Variants in RYR3 observed in about 807,000 individuals in gnomAD.
The protein encoded by RYR3 is ryanodine receptor 3.
RYR3 carries 207 observed loss-of-function variants against 584.3 expected under a neutral mutation model. The observed-to-expected ratio is 0.35, with a 90% confidence interval of 0.32 to 0.40. The LOEUF is 0.40. Ranked by LOEUF, RYR3 falls within the 10% of genes least tolerant of loss-of-function variation. The pLI, the probability that RYR3 is intolerant of heterozygous loss-of-function variation, is 1.00. For missense variants in RYR3, 5,616 were observed against 6,089.2 expected (o/e 0.92, Z 2.59); for synonymous variants, 2,416 against 2,248.5 (o/e 1.07, Z -2.11).
intron 1 of RYR3, among the ~76,000 whole-genome samples, chr15:33,357,444 G>A (rs1974137888): frequency 6.6e-6 from 1 of 152,140 alleles, no homozygotes; most frequent in Non-Finnish European, 1.5e-5. Flanking sequence ...ACCCTCACCT[G>A]TCAATACCCT....
rs56127912 is a variant in RYR3, at chr15:33,355,182, CAA to C, written c.51+44103_51+44104del. On this transcript the variant is annotated intron_variant, in intron 1 of 103. Transcript: ENST00000634891. The stretch of plus-strand genomic sequence containing the variant: ...CTGAGGGACAAGAGTGAAACTCCCT[CAA>C]AAAAAAAAAAAAAAAATCATGTATT... Among the ~76,000 whole-genome samples, 361 of 126,070 alleles carry C rather than the reference CAA, an allele frequency of 2.9e-3. 4 individuals carry two copies. The highest frequency in any genetic ancestry group is 9.5e-3 in the African/African-American group (324 of 34,188). The allele number at this position is 126,070 out of a possible 152,430, so 82.7% of individuals were successfully genotyped here. A position where few individuals can be genotyped will look rare whatever the true frequency, so the allele number is the denominator to read the frequency against.
At chr15:33,700,752 C>T (rs966332005) in intron 41 of RYR3, among the ~76,000 whole-genome samples, 1 of 152,020 alleles carries the variant, frequency 6.6e-6, no homozygotes, top group African/African-American at 2.4e-5. Flanking sequence ...TAGTGTGAAC[C>T]GATTTTGTAT....
In RYR3 at chr15:33,646,377, C is replaced by T; in HGVS notation, c.3792C>T (p.Asp1264=). The T allele has an allele frequency of 3.7e-6, 6 of 1,611,234 alleles. No individual in the cohort carries two copies. Among genetic ancestry groups the T allele is most frequent in the Non-Finnish European group, 5.1e-6 (6 of 1,177,952 alleles). Residue 1264 remains aspartate (D), a synonymous_variant, in exon 29 of 104, where the codon GAC becomes GAT. Transcript: ENST00000634891. ...TCATGAGGATTGATGGCACCATGGA[C>T]AGCCCTCCGTGTCTCAAGGTGACGC... is the stretch of plus-strand genomic sequence containing the variant. The part of the protein sequence containing the change: ...IEVMRIDGTM[D]SPPCLKVTHK...
At chr15:33,663,020 T>G in intron 35 of RYR3, 72 bp downstream of exon 35, 1 of 1,390,390 alleles carries the variant, frequency 7.2e-7, no homozygotes, top group Non-Finnish European at 1.0e-6. Flanking sequence ...AGGAACACAC[T>G]GAGGATTAAA....
At chr15:33,445,574 TC>T (rs1487412865) in intron 1 of RYR3, among the ~76,000 whole-genome samples, 1 of 151,654 alleles carries the variant, frequency 6.6e-6, no homozygotes, top group African/African-American at 2.4e-5. Context: ...AACCTACACT[TC>T]CGTTTTCCAG....
At chr15:33,368,232 T>C (rs1258338242) in intron 1 of RYR3, among the ~76,000 whole-genome samples, 1 of 152,078 alleles carries the variant, frequency 6.6e-6, no homozygotes, top group Admixed American at 6.6e-5. Context: ...TGAGTTTGAC[T>C]TGCCTCAACT....
intron 64 of RYR3, among the ~76,000 whole-genome samples, chr15:33,776,280 C>A (rs911637928): frequency 2.8e-4 from 42 of 152,254 alleles, no homozygotes; most frequent in African/African-American, 4.8e-4. Context: ...GAGACAACAA[C>A]ACTGAGAATG....
intron 60 of RYR3, 84 bp from the exon 61 acceptor site, chr15:33,768,574 T>C (rs2073301464): frequency 4.3e-6 from 5 of 1,158,810 alleles, no homozygotes; most frequent in Non-Finnish European, 6.5e-6. Context: ...TGTTTCACAG[T>C]GTAAGGGACA....
intron 5 of RYR3, among the ~76,000 whole-genome samples, chr15:33,536,870 A>G (rs1277001791): frequency 6.6e-6 from 1 of 152,174 alleles, no homozygotes; most frequent in African/African-American, 2.4e-5. Context: ...ACTTGTTTAT[A>G]ATATACATAT....
intron 46 of RYR3, 24 bp downstream of exon 46, chr15:33,726,530 C>T (rs897088563): frequency 1.3e-6 from 2 of 1,561,560 alleles, no homozygotes; most frequent in Non-Finnish European, 1.7e-6. Context: ...CTGCAGGCTG[C>T]AGCAGCAGTC....
chr15:33,670,614 T>A (rs2063787315), intron 38 of RYR3, 58 bp downstream of exon 38: 2 of 1,489,132 alleles, frequency 1.3e-6, no homozygotes, highest in African/African-American at 2.8e-5. Flanking sequence ...TTAATGTAAC[T>A]TTTTTTAAAC....
chr15:33,865,100 A>AAAT (rs1890039944), intron 103 of RYR3, 31 bp from the exon 104 acceptor site: 4 of 1,558,022 alleles, frequency 2.6e-6, no homozygotes, highest in African/African-American at 1.4e-5. Context: ...TGTGGTTTAA[A>AAAT]AATAAGCACC....
chr15:33,760,569 G>A (rs1299886779), intron 60 of RYR3, among the ~76,000 whole-genome samples: 1 of 152,100 alleles, frequency 6.6e-6, no homozygotes, highest in Admixed American at 6.6e-5. Flanking sequence ...CTAAATATAT[G>A]TGCACTAAAT....
At chr15:33,827,061 A>G (rs2077414754) in intron 84 of RYR3, 138 bp from the exon 85 acceptor site, 2 of 757,218 alleles carry the variant, frequency 2.6e-6, no homozygotes, top group African/African-American at 1.7e-5. Context: ...TCTGCCCTGC[A>G]GGATCTGCCA....
intron 16 of RYR3, among the ~76,000 whole-genome samples, chr15:33,596,790 A>G (rs1012961712): frequency 1.3e-5 from 2 of 152,146 alleles, no homozygotes; most frequent in Non-Finnish European, 2.9e-5. Context: ...TCTCTTTGCT[A>G]TAGAACACTA....
intron 42 of RYR3, among the ~76,000 whole-genome samples, chr15:33,706,116 C>A (rs2066695969): frequency 6.6e-6 from 1 of 152,050 alleles, no homozygotes; most frequent in African/African-American, 2.4e-5. Flanking sequence ...CTTAGAATTT[C>A]ACAGGCCTCA....
chr15:33,820,675 T>A, intron 77 of RYR3, 81 bp from the exon 78 acceptor site: 2 of 1,249,634 alleles, frequency 1.6e-6, no homozygotes, highest in Non-Finnish European at 2.3e-6. Context: ...TCCTGTCCCC[T>A]GCCCTTGTAG....
In RYR3 at chr15:33,550,217, A is replaced by G. The variant is rs772454391; in HGVS notation, c.873A>G (p.Thr291=). ...CTTTCCGACTCCGGCATCTCACCAC[A>G]GGCCACTACCTGGCCTTGACAGAAG... ...GQAFRLRHLT[T]GHYLALTEDQ... is the part of the protein sequence containing the mutation. The change falls in exon 10 of 104, where the codon ACA becomes ACG. Residue 291 remains threonine (T), a synonymous_variant. Transcript: ENST00000634891. 1 of 1,613,836 alleles carries G rather than the reference A, an allele frequency of 6.2e-7. No individual in the cohort carries two copies. The highest frequency in any genetic ancestry group is 8.5e-7 in the Non-Finnish European group (1 of 1,179,808).
At chr15:33,372,051 T>C (rs140418984) in intron 1 of RYR3, among the ~76,000 whole-genome samples, 57 of 152,352 alleles carry the variant, frequency 3.7e-4, no homozygotes, top group African/African-American at 1.3e-3. Context: ...CTTCCACTTG[T>C]TGATGCTCTG....
Sources: gnomAD v4.1 joint callset for allele counts (sites outside exome capture counted in the v4.1 genomes callset) on GRCh38, gnomAD v4.1.1 for gene constraint, MANE v1.5 for transcripts, NCBI Gene and HGNC (gene_info 2026-07-23, HGNC 2026-07-21) for gene names.